DMRT1: variants seen among roughly 807,000 people sequenced by gnomAD.
DMRT1 encodes the protein doublesex- and mab-3-related transcription factor 1.
In DMRT1, 7 loss-of-function variants were observed where a neutral mutation model predicts 32.3. The ratio of observed to expected loss-of-function variants is 0.22; its 90% confidence interval spans 0.12 to 0.41. DMRT1 has a LOEUF of 0.41. Ranked by LOEUF, DMRT1 falls within the 10% of genes least tolerant of loss-of-function variation. The probability of loss-of-function intolerance (pLI) is 1.00; values close to 1 mark genes in which losing one functional copy is unlikely to be tolerated. For synonymous variants in DMRT1, 278 were observed against 206.1 expected (o/e 1.35, Z -2.99); for missense variants, 625 against 500.5 (o/e 1.25, Z -2.37).
At chr9:931,003 C>G (rs1818708232) in intron 4 of DMRT1, among the ~76,000 whole-genome samples, 2 of 152,172 alleles carry the variant, frequency 1.3e-5, no homozygotes, top group African/African-American at 4.8e-5. Context: ...AAACAATCCC[C>G]ATATTACTCC....
At chr9:892,256 G>A (rs780243359) in intron 2 of DMRT1, among the ~76,000 whole-genome samples, 2 of 152,052 alleles carry the variant, frequency 1.3e-5, no homozygotes, top group Non-Finnish European at 2.9e-5. Context: ...TGTTTTTCAC[G>A]CTCCAGGTCT....
intron 4 of DMRT1, among the ~76,000 whole-genome samples, chr9:917,945 C>A (rs1263284374): frequency 6.6e-6 from 1 of 152,210 alleles, no homozygotes; most frequent in Non-Finnish European, 1.5e-5. Context: ...TTAAGAATCA[C>A]TTTCCGTTGG....
intron 3 of DMRT1, 74 bp from the exon 4 acceptor site, chr9:916,689 G>T: frequency 1.3e-6 from 2 of 1,548,712 alleles, no homozygotes; most frequent in South Asian, 2.2e-5. Flanking sequence ...TTGTTTTAAA[G>T]AACTAGATAA....
chr9:856,629 C>G (rs188209521), intron 2 of DMRT1, among the ~76,000 whole-genome samples: 1,756 of 152,146 alleles, frequency 0.012, 17 homozygotes, highest in Non-Finnish European at 0.018. Flanking sequence ...CATTATTTTT[C>G]TGTTTATCAG....
In DMRT1 at chr9:916,754, C is replaced by T; in HGVS notation, c.823-9C>T. 1 of 1,613,940 alleles carries T rather than the reference C, an allele frequency of 6.2e-7. No individual in the cohort carries two copies. The highest frequency in any genetic ancestry group is 8.5e-7 in the Non-Finnish European group (1 of 1,179,894). On this transcript the variant is annotated splice_polypyrimidine_tract_variant and intron_variant, in intron 3 of 4. Coordinates refer to ENST00000382276, the MANE Select transcript of DMRT1 (RefSeq NM_021951.3). ...GATCTCAGTATATTTCTTCTTTTTT[C>T]TTAAGCAGATGAAGAACATGGAGAA...
At chr9:877,439 C>A (rs995025774) in intron 2 of DMRT1, among the ~76,000 whole-genome samples, 1 of 152,164 alleles carries the variant, frequency 6.6e-6, no homozygotes, top group Middle Eastern at 3.2e-3. Context: ...TGGCCAGCAA[C>A]CCTGTTTGCA....
chr9:848,349 AG>A (rs1458888301), intron 2 of DMRT1, among the ~76,000 whole-genome samples: 1 of 152,210 alleles, frequency 6.6e-6, no homozygotes, highest in Non-Finnish European at 1.5e-5. Flanking sequence ...ATTATTAAAA[AG>A]GAAGTTAAGC....
chr9:898,167 TG>T (rs1817445046), intron 3 of DMRT1, among the ~76,000 whole-genome samples: 1 of 149,938 alleles, frequency 6.7e-6, no homozygotes, highest in African/African-American at 2.4e-5. Flanking sequence ...TCATTCAGGC[TG>T]GCGTGCAGTG....
At chr9:958,760 TAG>T (rs1453955769) in intron 4 of DMRT1, among the ~76,000 whole-genome samples, 1 of 152,260 alleles carries the variant, frequency 6.6e-6, no homozygotes, top group Non-Finnish European at 1.5e-5. Flanking sequence ...TGTGTTTTAT[TAG>T]AGATTATATA....
intron 4 of DMRT1, among the ~76,000 whole-genome samples, chr9:932,436 A>G (rs1818755716): frequency 6.6e-6 from 1 of 152,238 alleles, no homozygotes; most frequent in Non-Finnish European, 1.5e-5. Flanking sequence ...ACATTCATGA[A>G]CTATCTAATG....
chr9:850,696 A>G (rs1354563093), intron 2 of DMRT1, among the ~76,000 whole-genome samples: 1 of 152,048 alleles, frequency 6.6e-6, no homozygotes, highest in Non-Finnish European at 1.5e-5. Context: ...TTCATTTACT[A>G]CAGCTGAGAA....
rs185920851 is a variant in DMRT1, at chr9:849,019, G to A, written c.538+1876G>A. On this transcript the variant is annotated intron_variant, in intron 2 of 4. Coordinates refer to ENST00000382276, the MANE Select transcript of DMRT1 (RefSeq NM_021951.3). ...AGATGAGAAATGGGATGTGTCACAT[G>A]AGTAAAGAGGGCAAGTTCCAGTGCC... Among the ~76,000 whole-genome samples the A allele has an allele frequency of 8.6e-5, 13 of 151,014 alleles. No homozygotes were observed. The East Asian group carries it at 2.5e-3, about 29-fold the overall frequency.
At chr9:863,859 C>T (rs928855126) in intron 2 of DMRT1, among the ~76,000 whole-genome samples, 2 of 152,136 alleles carry the variant, frequency 1.3e-5, no homozygotes, top group African/African-American at 4.8e-5. Context: ...TTCTCTGAAC[C>T]ATCTATGTCC....
chr9:915,242 G>A (rs575928096), intron 3 of DMRT1, among the ~76,000 whole-genome samples: 1 of 152,178 alleles, frequency 6.6e-6, no homozygotes, highest in South Asian at 2.1e-4. Flanking sequence ...GTGATCATGA[G>A]TTGAATGCTC....
At chr9:893,861 G>C in intron 2 of DMRT1, 51 bp from the exon 3 acceptor site, 1 of 1,564,166 alleles carries the variant, frequency 6.4e-7, no homozygotes, top group Non-Finnish European at 8.8e-7. Flanking sequence ...GTAAAGTTTC[G>C]TGGACTAACA....
chr9:874,291 T>A (rs1225283370), intron 2 of DMRT1, among the ~76,000 whole-genome samples: 1 of 152,218 alleles, frequency 6.6e-6, no homozygotes, highest in African/African-American at 2.4e-5. Flanking sequence ...AATATCAGGA[T>A]CATTTGAATA....
chr9:858,867 A>AT (rs1815522773), intron 2 of DMRT1, among the ~76,000 whole-genome samples: 62 of 18,260 alleles, frequency 3.4e-3, no homozygotes, highest in East Asian at 0.028. Context: ...AAAAAAAAAA[A>AT]AAAATATATA....
At chr9:877,491 T>A (rs573846619) in intron 2 of DMRT1, among the ~76,000 whole-genome samples, 6 of 152,216 alleles carry the variant, frequency 3.9e-5, no homozygotes, top group Non-Finnish European at 5.9e-5. Context: ...GCAAGCTAAA[T>A]GTAAAGCTGC....
chr9:848,552 CTTT>C lies in DMRT1; in HGVS notation c.538+1426_538+1428del, dbSNP rs143346289. ...TAGTTTCCAAACTTTTGTTTCCTTT[CTTT>C]TTTTTTTTTTTTTTTTGAGATGGAG... On this transcript the variant is annotated intron_variant, in intron 2 of 4. Coordinates refer to ENST00000382276, the MANE Select transcript of DMRT1 (RefSeq NM_021951.3). Among the ~76,000 whole-genome samples the C allele has an allele frequency of 3.8e-3, 366 of 97,014 alleles. 9 individuals carry two copies. Among genetic ancestry groups the C allele is most frequent in the Non-Finnish European group, 1.5e-3 (73 of 47,604 alleles). 63.6% of individuals were successfully genotyped at this position (97,014 alleles called of 152,430 possible).
Sources: gnomAD v4.1 joint callset for allele counts (sites outside exome capture counted in the v4.1 genomes callset) on GRCh38, gnomAD v4.1.1 for gene constraint, MANE v1.5 for transcripts, NCBI Gene and HGNC (gene_info 2026-07-23, HGNC 2026-07-21) for gene names.